CHST11: variants seen among roughly 807,000 people sequenced by gnomAD.
CHST11 encodes the protein C4S-1.
Under a neutral mutation model 30.4 loss-of-function variants are expected in CHST11, and 9 were observed. The observed-to-expected ratio is 0.30, with a 90% CI of 0.18 to 0.52. The LOEUF (loss-of-function observed/expected upper bound fraction) is 0.52. Ranked by LOEUF, CHST11 falls within the 20% of genes least tolerant of loss-of-function variation. The pLI, the probability that CHST11 is intolerant of heterozygous loss-of-function variation, is 0.97. For synonymous variants in CHST11, 152 were observed against 187.8 expected (o/e 0.81, Z 1.56); for missense variants, 348 against 460.6 (o/e 0.76, Z 2.24).
chr12:104,592,075 A>G (rs73187427), intron 1 of CHST11, among the ~76,000 whole-genome samples: 42,214 of 150,136 alleles, frequency 0.28, 6,135 homozygotes, highest in African/African-American at 0.34. Context: ...ATCTTTTAAT[A>G]CCTGGCACCT....
intron 2 of CHST11, among the ~76,000 whole-genome samples, chr12:104,700,317 A>G (rs1272465089): frequency 6.6e-6 from 1 of 152,226 alleles, no homozygotes; most frequent in Non-Finnish European, 1.5e-5. Context: ...AAAAAAGAAA[A>G]TCATATGAAC....
At chr12:104,641,113 A>G (rs907784982) in intron 2 of CHST11, among the ~76,000 whole-genome samples, 5 of 152,040 alleles carry the variant, frequency 3.3e-5, no homozygotes, top group African/African-American at 4.8e-5. Flanking sequence ...CCAGGGGAAA[A>G]TTACCTTCCC....
At chr12:104,714,058 A>G (rs758175101) in intron 2 of CHST11, among the ~76,000 whole-genome samples, 1 of 152,202 alleles carries the variant, frequency 6.6e-6, no homozygotes, top group Non-Finnish European at 1.5e-5. Context: ...CCACCTAAGC[A>G]TAGCTCAGAG....
chr12:104,715,302 A>C (rs1355719071), intron 2 of CHST11, among the ~76,000 whole-genome samples: 2 of 152,148 alleles, frequency 1.3e-5, no homozygotes, highest in East Asian at 3.9e-4. Context: ...TGAGCCCAGA[A>C]GGTGGAGGCT....
In CHST11 at chr12:104,458,590, G is replaced by A. The variant is rs2037378705; in HGVS notation, c.118+1061G>A. On this transcript the variant is annotated intron_variant, in intron 1 of 2. Coordinates refer to ENST00000303694, the MANE Select transcript of CHST11 (RefSeq NM_018413.6). This position sits in a 1 kb window ranked among gnomAD's most constrained non-coding sequence, Gnocchi z 5.7. Reference sequence around the variant, plus strand: ...GGTAGAACGTTCCGAGAAGCCTTCCGGGTAACGCGGGTCTCCCCGCCAAGC... The same window carrying A: ...GGTAGAACGTTCCGAGAAGCCTTCCAGGTAACGCGGGTCTCCCCGCCAAGC... 6.6e-6 allele frequency among the ~76,000 whole-genome samples: 1 copy of A among 152,232 alleles called. No individual in the cohort carries two copies. The highest frequency in any genetic ancestry group is 1.5e-5 in the Non-Finnish European group (1 of 68,044).
intron 2 of CHST11, among the ~76,000 whole-genome samples, chr12:104,750,235 C>T (rs1234496136): frequency 6.6e-6 from 1 of 151,628 alleles, no homozygotes; most frequent in African/African-American, 2.4e-5. Context: ...GTAAGGAAAC[C>T]GAGTCCTCAT....
At chr12:104,505,678 A>G (rs1372472841) in intron 1 of CHST11, among the ~76,000 whole-genome samples, 1 of 152,214 alleles carries the variant, frequency 6.6e-6, no homozygotes. Context: ...CAAAATGGAG[A>G]TCATATCACT....
chr12:104,504,852 G>A (rs7485263), intron 1 of CHST11, among the ~76,000 whole-genome samples: 98,994 of 151,784 alleles, frequency 0.65, 32,907 homozygotes, highest in African/African-American at 0.79. Flanking sequence ...GTTCTGATTT[G>A]GTTTGGGTGG....
intron 2 of CHST11, among the ~76,000 whole-genome samples, chr12:104,750,973 C>T (rs182809770): frequency 3.7e-4 from 57 of 152,224 alleles, no homozygotes; most frequent in Non-Finnish European, 6.9e-4. Context: ...CAGAGTCTTC[C>T]TGAGGGGAAA....
chr12:104,486,378 A>G (rs1342614585), intron 1 of CHST11, among the ~76,000 whole-genome samples: 1 of 151,914 alleles, frequency 6.6e-6, no homozygotes, highest in African/African-American at 2.4e-5. Flanking sequence ...CTGTTTGGAC[A>G]GGAATCGGGG....
chr12:104,749,070 G>A (rs1277623876), intron 2 of CHST11, among the ~76,000 whole-genome samples: 2 of 152,188 alleles, frequency 1.3e-5, no homozygotes. Context: ...TCCTTAAATG[G>A]GATGTGGTAT....
In CHST11 at chr12:104,720,588, G is replaced by A. The variant is rs536432875; in HGVS notation, c.205-36361G>A. Among the ~76,000 whole-genome samples the A allele has an allele frequency of 3.3e-5, 5 of 152,294 alleles. No homozygotes were observed. The South Asian group carries it at 6.2e-4, about 19-fold the overall frequency. ...CCCTGTCCCCTGAAGATAAATGATC[G>A]CAGCTGCAAATTTCAAACAGTGTGA... On this transcript the variant is annotated intron_variant, in intron 2 of 2. Coordinates refer to ENST00000303694, the MANE Select transcript of CHST11 (RefSeq NM_018413.6).
rs763662436 is a variant in CHST11, at chr12:104,757,539, C to T, written c.795C>T (p.Leu265=). The T allele has an allele frequency of 1.2e-6, 2 of 1,614,064 alleles. No individual in the cohort carries two copies. Among genetic ancestry groups the T allele is most frequent in the African/African-American group, 1.3e-5 (1 of 74,924 alleles). The change falls in exon 3 of 3, where the codon CTC becomes CTT. Residue 265 remains leucine (L), a synonymous_variant. Coordinates refer to ENST00000303694, the MANE Select transcript of CHST11 (RefSeq NM_018413.6). This position sits in a 1 kb window ranked among gnomAD's most constrained non-coding sequence, Gnocchi z 6.5. ...FNEHWQTVYS[L]CHPCHIHYDL... is the part of the protein sequence containing the mutation. ...AACACTGGCAAACCGTCTACTCACT[C>T]TGCCATCCCTGCCACATCCACTATG...
intron 1 of CHST11, among the ~76,000 whole-genome samples, chr12:104,544,141 AG>A (rs1430466576): frequency 1.1e-4 from 4 of 35,912 alleles, no homozygotes; most frequent in African/African-American, 1.7e-4. Context: ...AAAAAAAAAA[AG>A]AAAGAAAGAA....
intron 2 of CHST11, among the ~76,000 whole-genome samples, chr12:104,717,190 G>A (rs772503906): frequency 2.0e-5 from 3 of 152,152 alleles, no homozygotes; most frequent in African/African-American, 4.8e-5. Flanking sequence ...GTAACATAAC[G>A]TATTCACAGC....
intron 2 of CHST11, among the ~76,000 whole-genome samples, chr12:104,669,631 T>A (rs1007701022): frequency 6.6e-6 from 1 of 152,184 alleles, no homozygotes; most frequent in East Asian, 1.9e-4. Flanking sequence ...TCATGCGCAG[T>A]AAACGAGGTC....
intron 2 of CHST11, among the ~76,000 whole-genome samples, chr12:104,677,625 G>A (rs1202385975): frequency 1.3e-5 from 2 of 152,230 alleles, no homozygotes; most frequent in Non-Finnish European, 2.9e-5. Flanking sequence ...GAAACCACTA[G>A]GAATTTGGGG....
At chr12:104,596,172 G>T (rs1447057405) in intron 1 of CHST11, among the ~76,000 whole-genome samples, 1 of 152,218 alleles carries the variant, frequency 6.6e-6, no homozygotes, top group African/African-American at 2.4e-5. Context: ...ACTTGATGAG[G>T]TTGAATCAGA....
At chr12:104,670,540 TACAC>T (rs767267998) in intron 2 of CHST11, among the ~76,000 whole-genome samples, 17 of 145,950 alleles carry the variant, frequency 1.2e-4, no homozygotes, top group East Asian at 2.0e-4. Context: ...CACTCACACT[TACAC>T]ACACACTCCC....
Sources: allele counts gnomAD v4.1 joint callset (sites outside exome capture counted in the v4.1 genomes callset), GRCh38; gene constraint gnomAD v4.1.1; non-coding constraint Gnocchi (gnomAD v3.1); transcripts MANE v1.5; gene names NCBI Gene and HGNC (gene_info 2026-07-23, HGNC 2026-07-21).